ANO3: variants seen among roughly 807,000 people sequenced by gnomAD.
ANO3 encodes anoctamin-3.
In ANO3, 99 loss-of-function variants were observed where a neutral mutation model predicts 144.8. The observed-to-expected ratio is 0.68, with a 90% CI of 0.58 to 0.81. The LOEUF is 0.81. Ranked by LOEUF, ANO3 falls within the 30% of genes least tolerant of loss-of-function variation. The pLI, the probability that ANO3 is intolerant of heterozygous loss-of-function variation, is 0.00. For synonymous variants in ANO3, 414 were observed against 392.6 expected, an observed-to-expected ratio of 1.05 and a Z score of -0.64; for missense variants, 905 against 1,202.2, an observed-to-expected ratio of 0.75 and a Z score of 3.66.
chr11:26,439,878 AATTTT>A (rs1472703913), intron 1 of ANO3, among the ~76,000 whole-genome samples: 7 of 152,230 alleles, frequency 4.6e-5, no homozygotes, highest in Non-Finnish European at 4.4e-5. Flanking sequence ...TTTAATTTTT[AATTTT>A]ATTTACTTCT....
At chr11:26,422,467 A>G (rs976986990) in intron 1 of ANO3, among the ~76,000 whole-genome samples, 8 of 152,084 alleles carry the variant, frequency 5.3e-5, no homozygotes, top group Non-Finnish European at 1.0e-4. Flanking sequence ...TAAAGCTATT[A>G]TCTCATGAGA....
intron 14 of ANO3, among the ~76,000 whole-genome samples, chr11:26,594,781 T>G (rs1327747818): frequency 5.9e-5 from 9 of 152,148 alleles, no homozygotes; most frequent in Admixed American, 5.9e-4. Context: ...ATTGAGAGTT[T>G]TCTCTTAATG....
At chr11:26,246,921 G>A (rs1852810693) in intron 1 of ANO3, among the ~76,000 whole-genome samples, 1 of 152,108 alleles carries the variant, frequency 6.6e-6, no homozygotes, top group Non-Finnish European at 1.5e-5. Context: ...GGAACTGTGA[G>A]TCCATTGAAT....
In ANO3 at chr11:26,542,017, G is replaced by T. The variant is rs141456844; in HGVS notation, c.1103G>T (p.Arg368Leu). 5.6e-6 allele frequency: 9 copies of T among 1,612,656 alleles called. No individual in the cohort carries two copies. The highest frequency in any genetic ancestry group is 4.0e-5 in the African/African-American group (3 of 74,830). The change falls in exon 11 of 27, where the codon CGC becomes CTC. Residue 368 changes from arginine (R) to leucine (L), a missense_variant. Arg to Leu is a moderately radical substitution (Grantham distance 102). Transcript: ENST00000256737. ...AATAACAGACATCTATTATATGAGC[G>T]CTGGGCACGCTGGGGAATGTGGTAT... ...PQNNRHLLYERWARWGMWYKH... is the reference protein window; with the variant it reads ...PQNNRHLLYELWARWGMWYKH...
chr11:26,399,360 C>T (rs1419961949), intron 1 of ANO3, among the ~76,000 whole-genome samples: 3 of 151,774 alleles, frequency 2.0e-5, no homozygotes, highest in Admixed American at 1.3e-4. Context: ...AGAATGCTAC[C>T]CTCCATTTAA....
chr11:26,502,219 T>C (rs1019017526), intron 4 of ANO3, among the ~76,000 whole-genome samples: 3 of 152,200 alleles, frequency 2.0e-5, no homozygotes, highest in Non-Finnish European at 4.4e-5. Context: ...ATACATTATA[T>C]AGTTTTACCT....
intron 5 of ANO3, among the ~76,000 whole-genome samples, chr11:26,515,969 G>T (rs1861847764): frequency 6.6e-6 from 1 of 151,906 alleles, no homozygotes; most frequent in African/African-American, 2.4e-5. Context: ...TCAAAGCAGG[G>T]TCGAATATGA....
intron 14 of ANO3, among the ~76,000 whole-genome samples, chr11:26,593,739 C>T (rs1455734651): frequency 6.6e-6 from 1 of 152,144 alleles, no homozygotes; most frequent in Non-Finnish European, 1.5e-5. Context: ...TTTAAAGTGT[C>T]CGTGTAGGCC....
At chr11:26,390,838 T>G (rs943400785) in intron 1 of ANO3, among the ~76,000 whole-genome samples, 1 of 152,138 alleles carries the variant, frequency 6.6e-6, no homozygotes, top group African/African-American at 2.4e-5. Context: ...ATAAATTCTT[T>G]GCAAGTGACT....
At chr11:26,267,010 A>C (rs1853326793) in intron 1 of ANO3, among the ~76,000 whole-genome samples, 1 of 151,260 alleles carries the variant, frequency 6.6e-6, no homozygotes, top group Non-Finnish European at 1.5e-5. Context: ...GAGAATGGCG[A>C]GGACCCTGGA....
intron 14 of ANO3, 25 bp downstream of exon 14, chr11:26,559,804 T>G: frequency 6.6e-7 from 1 of 1,513,806 alleles, no homozygotes; most frequent in South Asian, 1.1e-5. Context: ...CATTACTTTC[T>G]ATCCCTTATT....
At chr11:26,573,185 A>G (rs1184478436) in intron 14 of ANO3, among the ~76,000 whole-genome samples, 1 of 152,178 alleles carries the variant, frequency 6.6e-6, no homozygotes, top group Non-Finnish European at 1.5e-5. Context: ...AAAATGCAGG[A>G]GCTAGTAAGC....
Position 26,476,909 on chromosome 11 carries a change from G to T in ANO3, c.432+13761G>T, listed in dbSNP as rs1226502366. ...TAATTTTGTGTGTGTGTGTATGTGT[G>T]TGTGTGTGTGTGTGTGTGTGTGTGA... On this transcript the variant is annotated intron_variant, in intron 4 of 26. Coordinates refer to ENST00000256737, the MANE Select transcript of ANO3 (RefSeq NM_031418.4). 7.9e-5 allele frequency among the ~76,000 whole-genome samples: 11 copies of T among 139,636 alleles called. No homozygotes were observed. In the Admixed American group the frequency reaches 7.9e-4, roughly 10 times the overall value. 91.6% of individuals were successfully genotyped at this position (139,636 alleles called of 152,430 possible).
At chr11:26,423,561 A>G (rs1340040580) in intron 1 of ANO3, among the ~76,000 whole-genome samples, 1 of 151,956 alleles carries the variant, frequency 6.6e-6, no homozygotes, top group Non-Finnish European at 1.5e-5. Flanking sequence ...TTTTTTTTAA[A>G]AAAAAGATCA....
intron 1 of ANO3, among the ~76,000 whole-genome samples, chr11:26,365,738 A>T (rs12795939): frequency 0.11 from 17,387 of 152,026 alleles, 1,209 homozygotes; most frequent in Admixed American, 0.18. Flanking sequence ...GCAGGTCAGT[A>T]GGCCTTAACC....
intron 17 of ANO3, among the ~76,000 whole-genome samples, chr11:26,621,033 G>A (rs294006): frequency 0.13 from 19,858 of 152,190 alleles, 1,519 homozygotes; most frequent in Admixed American, 0.22. Flanking sequence ...AAAGCTTGGA[G>A]TTTATTTTCA....
At chr11:26,658,870 T>C (rs1853782683) in intron 26 of ANO3, among the ~76,000 whole-genome samples, 1 of 152,160 alleles carries the variant, frequency 6.6e-6, no homozygotes. Context: ...TTAAAGTACC[T>C]TGAATTCTTC....
At chr11:26,488,565 TTG>T (rs1860561981) in intron 4 of ANO3, among the ~76,000 whole-genome samples, 1 of 152,206 alleles carries the variant, frequency 6.6e-6, no homozygotes, top group East Asian at 1.9e-4. Context: ...TGGTGGGTTC[TTG>T]GTCTTGCTGA....
intron 1 of ANO3, among the ~76,000 whole-genome samples, chr11:26,411,876 A>C (rs1857442320): frequency 6.6e-6 from 1 of 151,924 alleles, no homozygotes; most frequent in African/African-American, 2.4e-5. Flanking sequence ...ACAGACTCTA[A>C]ATGTTATAAC....
Sources: gnomAD v4.1 joint callset for allele counts (sites outside exome capture counted in the v4.1 genomes callset) on GRCh38, gnomAD v4.1.1 for gene constraint, MANE v1.5 for transcripts, NCBI Gene and HGNC (gene_info 2026-07-23, HGNC 2026-07-21) for gene names.